Variants in SCML4 observed in about 807,000 individuals in gnomAD.
SCML4 encodes Scm polycomb group protein like 4.
A neutral mutation model predicts 41.1 loss-of-function variants in SCML4; 34 were observed. The ratio of observed to expected loss-of-function variants is 0.83; its 90% CI spans 0.63 to 1.10. The LOEUF is 1.10. Ranked by LOEUF, SCML4 falls within the 50% of genes least tolerant of loss-of-function variation. The pLI, the probability that SCML4 is intolerant of heterozygous loss-of-function variation, is 0.00. For missense variants in SCML4, 522 were observed against 534.1 expected (o/e 0.98, Z 0.22); for synonymous variants, 214 against 220.9 (o/e 0.97, Z 0.28).
chr6:107,811,020 G>T (rs145218013), intron 1 of SCML4, among the ~76,000 whole-genome samples: 5 of 152,174 alleles, frequency 3.3e-5, no homozygotes, highest in East Asian at 1.9e-4. Context: ...CAATAGGGCT[G>T]GTGTCTTTAT....
chr6:107,794,314 A>G (rs1028832548), intron 1 of SCML4, among the ~76,000 whole-genome samples: 1 of 152,248 alleles, frequency 6.6e-6, no homozygotes, highest in African/African-American at 2.4e-5. Context: ...CTGGCCAAAT[A>G]AATCATGATA....
At chr6:107,835,410 G>T in the SCML4 span, among the ~76,000 whole-genome samples, 2 of 151,334 alleles carry the variant, frequency 1.3e-5, no homozygotes, top group Admixed American at 6.6e-5. Flanking sequence ...AAATAAAAAG[G>T]ACATTAAAAG....
At chr6:107,713,790 G>T (rs112875443) in intron 6 of SCML4, among the ~76,000 whole-genome samples, 5 of 152,116 alleles carry the variant, frequency 3.3e-5, no homozygotes, top group African/African-American at 1.2e-4. Context: ...GGGAAGGGGA[G>T]GGAGATCTGT....
chr6:107,715,006 G>T lies in SCML4; in HGVS notation c.973+5697C>A, dbSNP rs139436774. ...TTTTTTTTTTTTGAGATGAAGTCCC[G>T]CTTTGTCATCCAGGCTGCAGTGCAG... On this transcript the variant is annotated intron_variant, in intron 6 of 7. Coordinates refer to ENST00000369020, the MANE Select transcript of SCML4 (RefSeq NM_198081.5). Among the ~76,000 whole-genome samples, 676 of 138,254 alleles carry T rather than the reference G, an allele frequency of 4.9e-3. 7 individuals carry two copies. Among genetic ancestry groups the T allele is most frequent in the African/African-American group, 0.018 (646 of 36,340 alleles). The allele number at this position is 138,254 out of a possible 152,430, so 90.7% of individuals were successfully genotyped here.
intron 2 of SCML4, among the ~76,000 whole-genome samples, chr6:107,750,698 C>G (rs1013352660): frequency 1.3e-5 from 2 of 152,142 alleles, no homozygotes; most frequent in Non-Finnish European, 2.9e-5. Context: ...GCTGGGGACC[C>G]TTGCCCAACA....
At chr6:107,821,454 G>A (rs1344927099) in intron 1 of SCML4, among the ~76,000 whole-genome samples, 1 of 152,220 alleles carries the variant, frequency 6.6e-6, no homozygotes, top group East Asian at 1.9e-4. Flanking sequence ...AAAGAAAGAA[G>A]CTTGTGTGAT....
At chr6:107,813,644 T>C (rs535823686) in intron 1 of SCML4, among the ~76,000 whole-genome samples, 1 of 152,078 alleles carries the variant, frequency 6.6e-6, no homozygotes, top group South Asian at 2.1e-4. Flanking sequence ...TCGTTCTTCC[T>C]TAGGCATCAA....
chr6:107,830,239 C>T, the SCML4 span, among the ~76,000 whole-genome samples: 2 of 152,298 alleles, frequency 1.3e-5, no homozygotes, highest in Admixed American at 6.5e-5. Context: ...CAAGGAAAAA[C>T]GACTCACTCA....
intron 3 of SCML4, among the ~76,000 whole-genome samples, chr6:107,748,473 A>G (rs1778331496): frequency 6.6e-6 from 1 of 152,182 alleles, no homozygotes; most frequent in African/African-American, 2.4e-5. Context: ...TTACTGATTT[A>G]CTAATGAAGA....
chr6:107,800,315 C>T (rs942450622), intron 1 of SCML4, among the ~76,000 whole-genome samples: 4 of 152,164 alleles, frequency 2.6e-5, no homozygotes, highest in African/African-American at 7.2e-5. Flanking sequence ...TTCCCAGAAT[C>T]GCAAGCCCTT....
At chr6:107,822,457 G>T (rs1229657344) in intron 1 of SCML4, among the ~76,000 whole-genome samples, 8 of 144,048 alleles carry the variant, frequency 5.6e-5, no homozygotes, top group African/African-American at 2.2e-4. Flanking sequence ...TTCGCTTATT[G>T]TTTTCTTGTC....
Position 107,755,226 on chromosome 6 carries a change from T to C in SCML4, c.157-5413A>G, listed in dbSNP as rs117552469. On this transcript the variant is annotated intron_variant, in intron 2 of 7. Transcript: ENST00000369020. ...CCCAACTGAAATTACAGGGATTAGA[T>C]TAAATTGCCTGATTGCAAGGAAACC... Among the ~76,000 whole-genome samples, 816 of 152,282 alleles carry C rather than the reference T, an allele frequency of 5.4e-3. 7 individuals are homozygous for C. Among genetic ancestry groups the C allele is most frequent in the Non-Finnish European group, 6.5e-3 (441 of 68,024 alleles).
At chr6:107,842,459 G>A in the SCML4 span, among the ~76,000 whole-genome samples, 22 of 152,274 alleles carry the variant, frequency 1.4e-4, no homozygotes, top group African/African-American at 2.9e-4. Flanking sequence ...GTGCAGTGGC[G>A]CGATCTTGGC....
chr6:107,838,270 G>A, the SCML4 span, among the ~76,000 whole-genome samples: 1 of 152,110 alleles, frequency 6.6e-6, no homozygotes, highest in Non-Finnish European at 1.5e-5. Flanking sequence ...AGGTAACAGG[G>A]CAGGGCTCAC....
rs980813195 is a variant in SCML4 at position 107,704,853 on chromosome 6, A to C, written c.*347T>G. Reference sequence around the variant, plus strand: ...CCGCAGGGACAAAGGTCCTTCTTTCATCCTTTGAACCCTCCAGAACTCTCC... The same window carrying C: ...CCGCAGGGACAAAGGTCCTTCTTTCCTCCTTTGAACCCTCCAGAACTCTCC... On this transcript the variant is annotated 3_prime_UTR_variant, in exon 8 of 8. Coordinates refer to ENST00000369020, the MANE Select transcript of SCML4 (RefSeq NM_198081.5). The C allele has an allele frequency of 1.2e-5, 4 of 327,828 alleles. No individual in the cohort carries two copies. Among genetic ancestry groups the C allele is most frequent in the Non-Finnish European group, 1.7e-5 (3 of 175,398 alleles). 20.3% of individuals were successfully genotyped at this position (327,828 alleles called of 1,614,324 possible).
Position 107,749,987 on chromosome 6 carries a change from T to G in SCML4, c.157-174A>C, listed in dbSNP as rs902143563. ...TCAAGTTCATGCTCAGGATTCATATTTGGGGTCACACTCAGATCACCTCTC... is the reference window on the plus strand; with the variant it reads ...TCAAGTTCATGCTCAGGATTCATATGTGGGGTCACACTCAGATCACCTCTC... On this transcript the variant is annotated intron_variant, in intron 2 of 7. Coordinates refer to ENST00000369020, the MANE Select transcript of SCML4 (RefSeq NM_198081.5). 4.1e-5 allele frequency among the ~76,000 whole-genome samples: 6 copies of G among 147,626 alleles called. No homozygotes were observed. In the South Asian group the frequency reaches 6.5e-4, roughly 16 times the overall value.
intron 1 of SCML4, among the ~76,000 whole-genome samples, chr6:107,819,714 T>C (rs984343348): frequency 1.3e-5 from 2 of 149,852 alleles, no homozygotes; most frequent in African/African-American, 2.5e-5. Context: ...AAATGAAAAT[T>C]TAGGTAGCAT....
chr6:107,772,269 G>A lies in SCML4; in HGVS notation c.59C>T (p.Pro20Leu). 6.4e-7 allele frequency: 1 copy of A among 1,551,710 alleles called. No individual in the cohort carries two copies. Among genetic ancestry groups the A allele is most frequent in the Non-Finnish European group, 8.7e-7 (1 of 1,146,956 alleles). ...KRGRPSLHST[P>L]MKMAVHNLYS... is the part of the protein sequence containing the mutation. ...AAGGTTATGAACTGCCATCTTCATA[G>A]GCGTGGAGTGAAGTGAGGGTCGGCC... is the stretch of plus-strand genomic sequence containing the variant. Residue 20 changes from proline (P) to leucine (L), a missense_variant, in exon 2 of 8, where the codon CCT (proline) becomes CTT (leucine). Coordinates refer to ENST00000369020, the MANE Select transcript of SCML4 (RefSeq NM_198081.5).
chr6:107,803,541 G>A (rs535184344), intron 1 of SCML4, among the ~76,000 whole-genome samples: 444 of 149,520 alleles, frequency 3.0e-3, no homozygotes, highest in African/African-American at 0.011. Flanking sequence ...CACCCCGTCT[G>A]GGAGGTGTAC....
Sources: gnomAD v4.1 joint callset for allele counts (sites outside exome capture counted in the v4.1 genomes callset) on GRCh38, gnomAD v4.1.1 for gene constraint, MANE v1.5 for transcripts, NCBI Gene and HGNC (gene_info 2026-07-23, HGNC 2026-07-21) for gene names.